UHRF2: variants seen among roughly 807,000 people sequenced by gnomAD.
UHRF2 encodes the protein E3 ubiquitin-protein ligase UHRF2.
A neutral mutation model predicts 96.8 loss-of-function variants in UHRF2; 23 were observed. That is an observed-to-expected ratio of 0.24 (90% CI 0.17 to 0.34). UHRF2 has a LOEUF of 0.34. UHRF2 is among the 10% of genes least tolerant of loss of function. The pLI is 1.00. For synonymous variants in UHRF2, 385 were observed against 332.6 expected (o/e 1.16, Z -1.72); for missense variants, 685 against 981.5 (o/e 0.70, Z 4.04).
At chr9:6,489,302 A>G (rs1358676488) in intron 9 of UHRF2, among the ~76,000 whole-genome samples, 5 of 152,222 alleles carry the variant, frequency 3.3e-5, no homozygotes. Flanking sequence ...AGTTCATTTA[A>G]TCATTTACTC....
At chr9:6,474,275 G>A (rs1823427340) in intron 4 of UHRF2, among the ~76,000 whole-genome samples, 1 of 152,174 alleles carries the variant, frequency 6.6e-6, no homozygotes, top group Non-Finnish European at 1.5e-5. Flanking sequence ...AAGGTGGAAG[G>A]ATGGAAAAAG....
intron 1 of UHRF2, among the ~76,000 whole-genome samples, chr9:6,414,873 C>G (rs1257661058): frequency 6.6e-6 from 1 of 152,182 alleles, no homozygotes; most frequent in Non-Finnish European, 1.5e-5. Context: ...GTGTTTGCAG[C>G]CAGTTTTGTA....
intron 3 of UHRF2, among the ~76,000 whole-genome samples, chr9:6,459,722 C>CCAGTACTT (rs1235820777): frequency 6.6e-6 from 1 of 152,190 alleles, no homozygotes; most frequent in Non-Finnish European, 1.5e-5. Flanking sequence ...GCCGGTAGTC[C>CCAGTACTT]CAGTACTTTG....
At position 6,441,270 on chromosome 9, in the gene UHRF2, A is replaced by C. The variant is rs1345901490; in HGVS notation, c.644+7097A>C. Among the ~76,000 whole-genome samples, 7 of 152,038 alleles carry C rather than the reference A, an allele frequency of 4.6e-5. No individual in the cohort carries two copies. The East Asian group carries it at 1.3e-3, about 29-fold the overall frequency. Reference sequence around the variant, plus strand: ...GCACCTGTAGTCCCAGCTACTCGGGAGGCTGAAGTGGGAGGATGGCTTGAG... The same window carrying C: ...GCACCTGTAGTCCCAGCTACTCGGGCGGCTGAAGTGGGAGGATGGCTTGAG... On this transcript the variant is annotated intron_variant, in intron 3 of 15. Coordinates refer to ENST00000276893, the MANE Select transcript of UHRF2 (RefSeq NM_152896.3).
intron 2 of UHRF2, among the ~76,000 whole-genome samples, chr9:6,424,365 A>C (rs190624832): frequency 2.8e-5 from 3 of 106,094 alleles, no homozygotes; most frequent in African/African-American, 8.1e-5. Flanking sequence ...ACAGTGCTAT[A>C]TAGTGGTCAC....
rs1819408772 is a variant in UHRF2 at position 6,413,470 on chromosome 9, G to T, written c.-21G>T. 1.3e-6 allele frequency: 2 copies of T among 1,516,636 alleles called. No homozygotes were observed. Among genetic ancestry groups the T allele is most frequent in the Non-Finnish European group, 1.8e-6 (2 of 1,125,704 alleles). The allele number at this position is 1,516,636 out of a possible 1,614,324, so 93.9% of individuals were successfully genotyped here. ...AGCTCAGGGGGAGACAAAGGGGACC[G>T]GTTCCTCTCTAGGCGCCAAGATGTG... On this transcript the variant is annotated 5_prime_UTR_variant, in exon 1 of 16. Transcript: ENST00000276893.
At chr9:6,449,897 A>G (rs763180514) in intron 3 of UHRF2, among the ~76,000 whole-genome samples, 39 of 152,182 alleles carry the variant, frequency 2.6e-4, no homozygotes, top group Non-Finnish European at 5.4e-4. Context: ...GTGTGACTCT[A>G]CTAGGAGATG....
At chr9:6,456,155 G>A (rs386632) in intron 3 of UHRF2, among the ~76,000 whole-genome samples, 112,281 of 152,008 alleles carry the variant, frequency 0.74, 41,753 homozygotes, top group East Asian at 0.84. Flanking sequence ...TTTCTTTTTA[G>A]AATGTTTCTA....
intron 4 of UHRF2, among the ~76,000 whole-genome samples, chr9:6,471,408 C>T (rs904994272): frequency 1.3e-5 from 2 of 152,230 alleles, no homozygotes; most frequent in African/African-American, 4.8e-5. Flanking sequence ...TACTCACCCT[C>T]ATGTGGTTTT....
chr9:6,418,113 C>A (rs1036583176), intron 1 of UHRF2, among the ~76,000 whole-genome samples: 9 of 152,024 alleles, frequency 5.9e-5, no homozygotes, highest in African/African-American at 2.2e-4. Context: ...TTTTTCAGCT[C>A]CTCCAGAATT....
chr9:6,463,708 C>A (rs897151435), intron 4 of UHRF2, among the ~76,000 whole-genome samples: 39 of 152,042 alleles, frequency 2.6e-4, no homozygotes, highest in African/African-American at 8.7e-4. Flanking sequence ...TGAGCTCAGG[C>A]TATCTGCCTG....
At chr9:6,467,134 G>T (rs904965525) in intron 4 of UHRF2, among the ~76,000 whole-genome samples, 1 of 152,182 alleles carries the variant, frequency 6.6e-6, no homozygotes, top group Non-Finnish European at 1.5e-5. Context: ...AAAAATCATT[G>T]TTAGCAGGGA....
chr9:6,460,543 C>A, intron 3 of UHRF2, 30 bp from the exon 4 acceptor site: 1 of 1,548,420 alleles, frequency 6.5e-7, no homozygotes, highest in Non-Finnish European at 8.8e-7. Context: ...CTTTGGTAAT[C>A]ATAAGCCATA....
At chr9:6,485,365 C>G (rs983039877) in intron 8 of UHRF2, among the ~76,000 whole-genome samples, 2 of 151,992 alleles carry the variant, frequency 1.3e-5, no homozygotes, top group African/African-American at 4.8e-5. Context: ...TTTCTAAACT[C>G]TGAAAGCCTC....
chr9:6,496,219 G>C (rs1271304273), intron 10 of UHRF2: 1 of 151,970 alleles, frequency 6.6e-6, no homozygotes, highest in African/African-American at 2.4e-5. Flanking sequence ...TGTCATATCT[G>C]CTTTCACCAG....
At chr9:6,491,363 T>G (rs2130943109) in intron 9 of UHRF2, among the ~76,000 whole-genome samples, 1 of 152,340 alleles carries the variant, frequency 6.6e-6, no homozygotes. Flanking sequence ...TTAAATGAAT[T>G]AATTATACGT....
At chr9:6,494,471 C>G (rs959943952) in intron 10 of UHRF2, 2 of 152,016 alleles carry the variant, frequency 1.3e-5, no homozygotes, top group Non-Finnish European at 2.9e-5. Flanking sequence ...AACTAAATCC[C>G]CTTAAGACAT....
At chr9:6,416,535 CTTTTTTTTT>C (rs60522189) in intron 1 of UHRF2, among the ~76,000 whole-genome samples, 1 of 64,966 alleles carries the variant, frequency 1.5e-5, no homozygotes, top group African/African-American at 6.2e-5. Context: ...ATCTCTAAAT[CTTTTTTTTT>C]TTTTTTTTTT....
At chr9:6,470,041 A>C (rs1243964922) in intron 4 of UHRF2, among the ~76,000 whole-genome samples, 1 of 152,190 alleles carries the variant, frequency 6.6e-6, no homozygotes, top group Non-Finnish European at 1.5e-5. Context: ...AATTTAAGCT[A>C]GGAGACAGTG....
Sources: gnomAD v4.1 joint callset for allele counts (sites outside exome capture counted in the v4.1 genomes callset) on GRCh38, gnomAD v4.1.1 for gene constraint, MANE v1.5 for transcripts, NCBI Gene and HGNC (gene_info 2026-07-23, HGNC 2026-07-21) for gene names.